NCOA3: variants seen among roughly 807,000 people sequenced by gnomAD.
NCOA3 encodes nuclear receptor coactivator 3.
Under a neutral mutation model 158.8 loss-of-function variants are expected in NCOA3, and 51 were observed. The observed-to-expected ratio is 0.32, with a 90% CI of 0.26 to 0.41. The LOEUF (loss-of-function observed/expected upper bound fraction) is 0.41. Among genes scored for constraint, NCOA3 ranks in the 10% least tolerant of loss-of-function variants. The probability of loss-of-function intolerance (pLI) is 1.00; values close to 1 mark genes in which losing one functional copy is unlikely to be tolerated. For missense variants in NCOA3, 1,510 were observed against 1,746.6 expected, an observed-to-expected ratio of 0.86 and a Z score of 2.41; for synonymous variants, 537 against 592.4, an observed-to-expected ratio of 0.91 and a Z score of 1.36.
At chr20:47,604,708 C>CA in intron 2 of NCOA3, among the ~76,000 whole-genome samples, 1 of 152,240 alleles carries the variant, frequency 6.6e-6, no homozygotes, top group East Asian at 1.9e-4. Context: ...AAAGTGCTGG[C>CA]AATGTAGGCT....
At chr20:47,507,318 A>G (rs1192699848) in intron 1 of NCOA3, among the ~76,000 whole-genome samples, 1 of 152,212 alleles carries the variant, frequency 6.6e-6, no homozygotes, top group African/African-American at 2.4e-5. Flanking sequence ...CAAGTTGTTC[A>G]TGAACCTTCC....
rs573286594 is a variant in NCOA3, at chr20:47,629,486, C to T, written c.823+1463C>T. Reference sequence around the variant, plus strand: ...CTGAAATTACAGGCGCCCATCACCACGCCTGGCTAATTTTTTACATTTTTA... The same window carrying T: ...CTGAAATTACAGGCGCCCATCACCATGCCTGGCTAATTTTTTACATTTTTA... On this transcript the variant is annotated intron_variant, in intron 8 of 22. Coordinates refer to ENST00000371998, the MANE Select transcript of NCOA3 (RefSeq NM_181659.3). Among the ~76,000 whole-genome samples the T allele has an allele frequency of 7.9e-5, 12 of 152,166 alleles. No homozygotes were observed. The South Asian group carries it at 8.3e-4, about 11-fold the overall frequency.
chr20:47,507,227 T>C (rs1007770957), intron 1 of NCOA3, among the ~76,000 whole-genome samples: 8 of 152,254 alleles, frequency 5.3e-5, no homozygotes, highest in Admixed American at 4.6e-4. Context: ...GATTAGACTT[T>C]ATTAAATATT....
At chr20:47,594,808 T>TTTG (rs2085723319) in intron 2 of NCOA3, among the ~76,000 whole-genome samples, 4 of 17,726 alleles carry the variant, frequency 2.3e-4, no homozygotes, top group Admixed American at 5.9e-4. Flanking sequence ...TTTTTTTTTT[T>TTTG]TGGAGACAGT....
Position 47,563,888 on chromosome 20 carries a change from C to CAAAA in NCOA3, c.-98-19282_-98-19279dup, listed in dbSNP as rs72161837. 1.0e-4 allele frequency among the ~76,000 whole-genome samples: 6 copies of CAAAA among 58,818 alleles called. 1 individual carries two copies. The highest frequency in any genetic ancestry group is 1.8e-4 in the African/African-American group (3 of 16,280). 38.6% of individuals were successfully genotyped at this position (58,818 alleles called of 152,430 possible). A position where few individuals can be genotyped will look rare whatever the true frequency, so the allele number is the denominator to read the frequency against. On this transcript the variant is annotated intron_variant, in intron 1 of 22. Coordinates refer to ENST00000371998, the MANE Select transcript of NCOA3 (RefSeq NM_181659.3). ...TGGGCTACAGAGCGAGATTCTGTCT[C>CAAAA]AAAAAAAAAAAAAAAAGAAAGAAAA...
chr20:47,642,618 A>T lies in NCOA3; in HGVS notation c.3252+234A>T, dbSNP rs191923564. 2.6e-3 allele frequency among the ~76,000 whole-genome samples: 391 copies of T among 152,286 alleles called. 4 individuals are homozygous for T. Among genetic ancestry groups the T allele is most frequent in the African/African-American group, 9.1e-3 (378 of 41,550 alleles). On this transcript the variant is annotated intron_variant, in intron 17 of 22. Coordinates refer to ENST00000371998, the MANE Select transcript of NCOA3 (RefSeq NM_181659.3). ...GCGATATTACTTTCAACAACCCACT[A>T]TTTTTGGCAATTGTAGAAATGATTT...
At chr20:47,554,632 T>G (rs1017574123) in intron 1 of NCOA3, among the ~76,000 whole-genome samples, 50 of 151,894 alleles carry the variant, frequency 3.3e-4, no homozygotes, top group African/African-American at 1.1e-3. Context: ...ATAAAATACC[T>G]AGGAATCCAA....
At chr20:47,651,369 C>T (rs1318330796) in intron 20 of NCOA3, 93 bp downstream of exon 20, 35 of 1,503,978 alleles carry the variant, frequency 2.3e-5, no homozygotes, top group Middle Eastern at 2.1e-4. Context: ...GACAAAAACA[C>T]GATTCACTCC....
chr20:47,638,459 G>C (rs979708305), intron 13 of NCOA3, among the ~76,000 whole-genome samples: 3 of 152,118 alleles, frequency 2.0e-5, no homozygotes, highest in Non-Finnish European at 4.4e-5. Context: ...CAATTGAAAA[G>C]GCAGCATGCA....
At chr20:47,639,257 T>C in intron 14 of NCOA3, 55 bp downstream of exon 14, 1 of 1,408,468 alleles carries the variant, frequency 7.1e-7, no homozygotes, top group East Asian at 2.3e-5. Flanking sequence ...ATATTTAAAA[T>C]ACTTAAAGCC....
At chr20:47,610,844 C>T (rs1257737061) in intron 2 of NCOA3, among the ~76,000 whole-genome samples, 3 of 152,204 alleles carry the variant, frequency 2.0e-5, no homozygotes, top group African/African-American at 4.8e-5. Flanking sequence ...ATCAGTGTTG[C>T]AGGTGAACAA....
At chr20:47,596,860 G>T (rs2085764749) in intron 2 of NCOA3, among the ~76,000 whole-genome samples, 3 of 152,190 alleles carry the variant, frequency 2.0e-5, no homozygotes, top group Non-Finnish European at 4.4e-5. Flanking sequence ...GAAGTGCTGG[G>T]ATTACAGGTG....
At chr20:47,502,796 TA>T (rs1470332541) in intron 1 of NCOA3, among the ~76,000 whole-genome samples, 1 of 151,898 alleles carries the variant, frequency 6.6e-6, no homozygotes, top group African/African-American at 2.4e-5. Context: ...GTACCTGCCT[TA>T]ACAAAACTAG....
chr20:47,639,197 G>A lies in NCOA3; in HGVS notation c.2702G>A (p.Ser901Asn). ...GATAGTCAGGAAAATTATGGCTCAA[G>A]TATGGGTACGTTATTTCTAATTAGT... ...MMDSQENYGS[S>N]MGGPNRNVTV... is the part of the protein sequence containing the mutation. The change falls in exon 14 of 23, where the codon AGT becomes AAT. Residue 901 changes from serine (S) to asparagine (N), a missense_variant. This residue lies in a region of NCOA3 where 1,017 missense variants were observed against 1,098.3 expected (regional missense o/e 0.93). Transcript: ENST00000371998. The A allele has an allele frequency of 6.2e-7, 1 of 1,609,432 alleles. No individual in the cohort carries two copies. Among genetic ancestry groups the A allele is most frequent in the Non-Finnish European group, 8.5e-7 (1 of 1,175,974 alleles).
chr20:47,602,893 T>C (rs2085885067), intron 2 of NCOA3, among the ~76,000 whole-genome samples: 2 of 152,310 alleles, frequency 1.3e-5, no homozygotes, highest in South Asian at 4.1e-4. Flanking sequence ...GAAGCCATCT[T>C]ATTAAGAGTG....
intron 1 of NCOA3, among the ~76,000 whole-genome samples, chr20:47,522,099 CTTT>C (rs772811888): frequency 3.9e-5 from 3 of 76,816 alleles, no homozygotes; most frequent in East Asian, 6.7e-4. Flanking sequence ...TTGTACAGAT[CTTT>C]TTTTTTTTTT....
chr20:47,518,929 A>C (rs2084278756), intron 1 of NCOA3, among the ~76,000 whole-genome samples: 1 of 151,608 alleles, frequency 6.6e-6, no homozygotes, highest in African/African-American at 2.4e-5. Flanking sequence ...TGAGGTCAGG[A>C]GTTTGCAACC....
intron 1 of NCOA3, among the ~76,000 whole-genome samples, chr20:47,525,826 A>G (rs2084431308): frequency 2.5e-5 from 2 of 78,764 alleles, no homozygotes; most frequent in Non-Finnish European, 5.0e-5. Flanking sequence ...CTCACTTCCC[A>G]GTAGGGGCGG....
At chr20:47,646,730 G>A (rs911853747) in intron 17 of NCOA3, among the ~76,000 whole-genome samples, 1 of 152,172 alleles carries the variant, frequency 6.6e-6, no homozygotes, top group Non-Finnish European at 1.5e-5. Flanking sequence ...GTGGGGTGAA[G>A]TATGCTTCAA....
Sources: gnomAD v4.1 joint callset for allele counts (sites outside exome capture counted in the v4.1 genomes callset) on GRCh38, gnomAD v4.1.1 for gene constraint, gnomAD v4.1.1 regional missense constraint, MANE v1.5 for transcripts, NCBI Gene and HGNC (gene_info 2026-07-23, HGNC 2026-07-21) for gene names.